Variants in MARCHF7 observed in about 807,000 individuals in gnomAD.
MARCHF7 encodes E3 ubiquitin-protein ligase MARCHF7.
In MARCHF7, 20 loss-of-function variants were observed where a neutral mutation model predicts 76.5. The observed-to-expected ratio is 0.26, with a 90% CI of 0.18 to 0.38. The LOEUF (loss-of-function observed/expected upper bound fraction) is 0.38, where lower values mean the gene tolerates loss of function less well. Among genes scored for constraint, MARCHF7 ranks in the 10% least tolerant of loss-of-function variants. MARCHF7 has a pLI of 1.00. For synonymous variants in MARCHF7, 295 were observed against 293.0 expected, an observed-to-expected ratio of 1.01 and a Z score of -0.07; for missense variants, 797 against 812.9, an observed-to-expected ratio of 0.98 and a Z score of 0.24.
At chr2:159,765,601 T>G (rs1248493562) in intron 11 of MARCHF7, among the ~76,000 whole-genome samples, 5 of 152,218 alleles carry the variant, frequency 3.3e-5, no homozygotes. Flanking sequence ...TGGAGTGTTA[T>G]CTATAGTGTG....
chr2:159,749,612 T>C (rs1705365868), intron 7 of MARCHF7, among the ~76,000 whole-genome samples: 1 of 152,180 alleles, frequency 6.6e-6, no homozygotes, highest in Non-Finnish European at 1.5e-5. Flanking sequence ...CCTCTCAAAG[T>C]ACTGGGATTA....
At chr2:159,740,132 A>G (rs756320534) in intron 4 of MARCHF7, among the ~76,000 whole-genome samples, 1 of 152,162 alleles carries the variant, frequency 6.6e-6, no homozygotes, top group Non-Finnish European at 1.5e-5. Flanking sequence ...ATTACTTCAT[A>G]GGGACTTATT....
chr2:159,760,708 C>CTTTTTTTTTTTT (rs34933843), intron 9 of MARCHF7, among the ~76,000 whole-genome samples: 2 of 147,434 alleles, frequency 1.4e-5, no homozygotes. Context: ...CAGTTTTTTC[C>CTTTTTTTTTTTT]TTTTTTGTTT....
intron 10 of MARCHF7, among the ~76,000 whole-genome samples, chr2:159,763,933 C>G (rs992437319): frequency 3.3e-5 from 5 of 152,090 alleles, no homozygotes; most frequent in African/African-American, 1.2e-4. Flanking sequence ...GATCTCTTGA[C>G]TTCTAAGTAC....
chr2:159,745,867 A>C lies in MARCHF7; in HGVS notation c.444A>C (p.Arg148Ser), dbSNP rs1704806723. The change falls in exon 6 of 12, where the codon AGA (arginine) becomes AGC (serine). Residue 148 changes from arginine (R) to serine (S), a missense_variant. This residue lies in a region of MARCHF7 where 643 missense variants were observed against 631.5 expected (regional missense o/e 1.02). Coordinates refer to ENST00000409175, the MANE Select transcript of MARCHF7 (RefSeq NM_001282805.2). The stretch of plus-strand genomic sequence containing the variant: ...TGAGAGAGAGGAGAGATTTGGAGAG[A>C]AGAACAGATTCCTCTATTAGTAATC... The part of the protein sequence containing the change: ...DLMRERRDLE[R>S]RTDSSISNLM... The C allele has an allele frequency of 6.2e-7, 1 of 1,613,142 alleles. No homozygotes were observed. Among genetic ancestry groups the C allele is most frequent in the Non-Finnish European group, 8.5e-7 (1 of 1,179,398 alleles).
chr2:159,762,095 T>C (rs181536382), intron 9 of MARCHF7, among the ~76,000 whole-genome samples: 200 of 152,334 alleles, frequency 1.3e-3, no homozygotes, highest in African/African-American at 4.6e-3. Flanking sequence ...ACCCTATAGT[T>C]CAATAGTGTA....
chr2:159,764,148 T>C (rs1707430926), intron 10 of MARCHF7, among the ~76,000 whole-genome samples: 1 of 152,028 alleles, frequency 6.6e-6, no homozygotes, highest in Non-Finnish European at 1.5e-5. Flanking sequence ...TAGGATTTTT[T>C]TTAATGTATA....
intron 11 of MARCHF7, among the ~76,000 whole-genome samples, chr2:159,764,893 G>T (rs1707579714): frequency 1.5e-5 from 2 of 137,756 alleles, no homozygotes; most frequent in Admixed American, 1.4e-4. Flanking sequence ...AATTTTAACT[G>T]CATTTTACTT....
rs1265021169 is a variant in MARCHF7 at position 159,748,356 on chromosome 2, G to A, written c.1066G>A (p.Gly356Ser). Reference protein sequence around the residue: ...QGFRFLRRRWGLSSLSHNHSS... With the variant: ...QGFRFLRRRWSLSSLSHNHSS... The stretch of plus-strand genomic sequence containing the variant: ...ATTTCGATTTCTTAGGCGAAGATGG[G>A]GTTTGTCATCTCTTAGCCACAATCA... The change falls in exon 7 of 12, where the codon GGT becomes AGT. Residue 356 changes from glycine (G) to serine (S), a missense_variant. Physicochemically the swap from Gly to Ser is moderately conservative, Grantham distance 56 (BLOSUM62 0). Around this residue, in one of 3 missense-constraint regions of MARCHF7, gnomAD observed 643 missense variants for 631.5 expected, o/e 1.02. Coordinates refer to ENST00000409175, the MANE Select transcript of MARCHF7 (RefSeq NM_001282805.2). 1 of 1,613,584 alleles carries A rather than the reference G, an allele frequency of 6.2e-7. No individual in the cohort carries two copies. Among genetic ancestry groups the A allele is most frequent in the Non-Finnish European group, 8.5e-7 (1 of 1,180,008 alleles).
At chr2:159,761,199 T>C (rs1250893951) in intron 9 of MARCHF7, among the ~76,000 whole-genome samples, 1 of 151,484 alleles carries the variant, frequency 6.6e-6, no homozygotes, top group African/African-American at 2.4e-5. Flanking sequence ...ATTTTTTGAA[T>C]TTTTAGTAGG....
intron 4 of MARCHF7, among the ~76,000 whole-genome samples, chr2:159,734,566 C>T (rs1401381305): frequency 6.6e-6 from 1 of 152,034 alleles, no homozygotes; most frequent in Non-Finnish European, 1.5e-5. Context: ...AGAATTGTAA[C>T]ATTGATAGGC....
chr2:159,753,923 G>A (rs1020850693), intron 8 of MARCHF7, among the ~76,000 whole-genome samples: 4 of 152,178 alleles, frequency 2.6e-5, no homozygotes, highest in Non-Finnish European at 4.4e-5. Context: ...AGGGAAGCTC[G>A]TATTTTTGCC....
At chr2:159,745,958 G>GTA in intron 6 of MARCHF7, 21 bp downstream of exon 6, 1 of 1,588,600 alleles carries the variant, frequency 6.3e-7, no homozygotes, top group Non-Finnish European at 8.6e-7. Context: ...ATTACATCAA[G>GTA]TATAACTTCT....
intron 3 of MARCHF7, among the ~76,000 whole-genome samples, chr2:159,723,851 C>T (rs1014539645): frequency 3.9e-5 from 6 of 151,938 alleles, no homozygotes; most frequent in African/African-American, 1.5e-4. Flanking sequence ...ACCATCTCTA[C>T]CACATGCCAA....
rs1207156201 is a variant in MARCHF7 at position 159,761,020 on chromosome 2, C to T, written c.1893+1685C>T. 4.0e-5 allele frequency among the ~76,000 whole-genome samples: 6 copies of T among 150,780 alleles called. 1 individual carries two copies. The Admixed American group carries it at 4.0e-4, about 10-fold the overall frequency. ...GGCTTGATCTTTTGCAAGGTGATAA[C>T]CATTTAATTTTTTTTTTTTTTTTTG... On this transcript the variant is annotated intron_variant, in intron 9 of 11. Transcript: ENST00000409175.
rs1401370786 is a variant in MARCHF7, at chr2:159,770,767, T to TACCA, written c.*3426_*3429dup. ...TGTAGGTTTGGGACAAAATAGGCTC[T>TACCA]ACCATCTGGGTTTGTGTAAATACAA... On this transcript the variant is annotated 3_prime_UTR_variant, in exon 12 of 12. Coordinates refer to ENST00000409175, the MANE Select transcript of MARCHF7 (RefSeq NM_001282805.2). 3 of 152,162 alleles carry TACCA rather than the reference T, an allele frequency of 2.0e-5. No individual in the cohort carries two copies. Among genetic ancestry groups the TACCA allele is most frequent in the African/African-American group, 7.2e-5 (3 of 41,428 alleles). The allele number at this position is 152,162 out of a possible 1,614,324, so 9.4% of individuals were successfully genotyped here.
Position 159,764,255 on chromosome 2 carries a change from T to TGTGCGCGCGCGCGC in MARCHF7, c.2008-370_2008-369insTGCGCGCGCGCGCG, listed in dbSNP as rs10592175. Among the ~76,000 whole-genome samples, 5 of 131,478 alleles carry TGTGCGCGCGCGCGC rather than the reference T, an allele frequency of 3.8e-5. No individual in the cohort carries two copies. In the South Asian group the frequency reaches 7.2e-4, roughly 19 times the overall value. The allele number at this position is 131,478 out of a possible 152,430, so 86.3% of individuals were successfully genotyped here. On this transcript the variant is annotated intron_variant, in intron 10 of 11. Coordinates refer to ENST00000409175, the MANE Select transcript of MARCHF7 (RefSeq NM_001282805.2). ...GTGTGTGTGTGTGTGTGTGTGTGTG[T>TGTGCGCGCGCGCGC]GCGCGCGCCCACTGAAACTGAATTT... is the stretch of plus-strand genomic sequence containing the variant.
intron 4 of MARCHF7, chr2:159,733,188 G>A (rs1703027360): frequency 1.2e-6 from 1 of 804,314 alleles, no homozygotes; most frequent in Non-Finnish European, 1.5e-6. Context: ...CATATAGTAT[G>A]TTTAGTTTTA....
intron 9 of MARCHF7, among the ~76,000 whole-genome samples, chr2:159,761,640 G>A (rs1195801088): frequency 6.6e-6 from 1 of 151,546 alleles, no homozygotes; most frequent in African/African-American, 2.4e-5. Context: ...TTGAACTCCT[G>A]ACCTCAAGTG....
Sources: gnomAD v4.1 joint callset for allele counts (sites outside exome capture counted in the v4.1 genomes callset) on GRCh38, gnomAD v4.1.1 for gene constraint, gnomAD v4.1.1 regional missense constraint, MANE v1.5 for transcripts, NCBI Gene and HGNC (gene_info 2026-07-23, HGNC 2026-07-21) for gene names.